Variants in ZNF804B observed in about 807,000 individuals in gnomAD.
ZNF804B encodes the protein zinc finger 804B.
ZNF804B carries 80 observed loss-of-function variants against 101.4 expected under a neutral mutation model. The observed-to-expected ratio is 0.79, with a 90% CI of 0.66 to 0.95. The LOEUF is 0.95. ZNF804B is among the 40% of genes least tolerant of loss of function. The pLI, the probability that ZNF804B is intolerant of heterozygous loss-of-function variation, is 0.00. For synonymous variants in ZNF804B, 622 were observed against 558.8 expected (o/e 1.11, Z -1.59); for missense variants, 1,673 against 1,561.9 (o/e 1.07, Z -1.20).
chr7:89,282,532 A>G lies in ZNF804B; in HGVS notation c.250-44812A>G, dbSNP rs536082626. Among the ~76,000 whole-genome samples, 206 of 152,332 alleles carry G rather than the reference A, an allele frequency of 1.4e-3. 1 individual carries two copies. The highest frequency in any genetic ancestry group is 4.6e-3 in the African/African-American group (191 of 41,578). On this transcript the variant is annotated intron_variant, in intron 2 of 3. Transcript: ENST00000333190. ...AGTAAGAAATCAAATAATAAATGTG[A>G]TGGGCTGAATAATACCCCCTCTCCT...
intron 1 of ZNF804B, among the ~76,000 whole-genome samples, chr7:88,834,764 A>C (rs1400285927): frequency 1.3e-5 from 2 of 151,620 alleles, no homozygotes; most frequent in Non-Finnish European, 3.0e-5. Context: ...TTGCCAAACT[A>C]TTTTTCGCCA....
chr7:88,772,433 C>T (rs1790083569), intron 1 of ZNF804B, among the ~76,000 whole-genome samples: 1 of 152,042 alleles, frequency 6.6e-6, no homozygotes, highest in Admixed American at 6.6e-5. Flanking sequence ...ACCGGTCTTC[C>T]ACAGGGAATA....
rs146334376 is a variant in ZNF804B, at chr7:89,298,834, G to T, written c.250-28510G>T. Among the ~76,000 whole-genome samples the T allele has an allele frequency of 3.1e-3, 467 of 151,810 alleles. 2 individuals are homozygous for T. Among genetic ancestry groups the T allele is most frequent in the African/African-American group, 0.011 (439 of 41,442 alleles). On this transcript the variant is annotated intron_variant, in intron 2 of 3. Transcript: ENST00000333190. Reference sequence around the variant, plus strand: ...TGGCAAAACCTTTTTCAAAGTGGTTGATCCATATTACATCCCTACCAGCTA... The same window carrying T: ...TGGCAAAACCTTTTTCAAAGTGGTTTATCCATATTACATCCCTACCAGCTA...
intron 1 of ZNF804B, among the ~76,000 whole-genome samples, chr7:88,836,212 A>T (rs1317614179): frequency 1.3e-5 from 2 of 151,974 alleles, no homozygotes; most frequent in Non-Finnish European, 1.5e-5. Flanking sequence ...GTTGGGGCAG[A>T]CTTGAACCTT....
At chr7:88,845,620 CTG>C (rs1241518124) in intron 1 of ZNF804B, among the ~76,000 whole-genome samples, 1 of 150,342 alleles carries the variant, frequency 6.7e-6, no homozygotes, top group Non-Finnish European at 1.5e-5. Flanking sequence ...CCTTGTTTTT[CTG>C]CCAAGAAAAA....
At chr7:88,826,613 A>T (rs1318421222) in intron 1 of ZNF804B, among the ~76,000 whole-genome samples, 2 of 152,014 alleles carry the variant, frequency 1.3e-5, no homozygotes, top group African/African-American at 2.4e-5. Context: ...ACAGAATATT[A>T]TTGGGGTTGG....
At chr7:88,829,280 A>G (rs1791096679) in intron 1 of ZNF804B, among the ~76,000 whole-genome samples, 1 of 152,030 alleles carries the variant, frequency 6.6e-6, no homozygotes. Flanking sequence ...TAAATGATCT[A>G]TTATGTCATT....
At chr7:89,328,857 AC>A (rs1790933600) in intron 3 of ZNF804B, among the ~76,000 whole-genome samples, 1 of 151,842 alleles carries the variant, frequency 6.6e-6, no homozygotes, top group South Asian at 2.1e-4. Context: ...GAAAGTTGTC[AC>A]ACTTCTACAT....
intron 1 of ZNF804B, among the ~76,000 whole-genome samples, chr7:88,926,466 A>G (rs987479658): frequency 1.3e-5 from 2 of 150,174 alleles, no homozygotes; most frequent in Admixed American, 6.6e-5. Flanking sequence ...GTAGTGGTGC[A>G]TGCCTGTAGT....
chr7:89,063,525 G>A (rs867236033), intron 1 of ZNF804B, among the ~76,000 whole-genome samples: 2 of 152,124 alleles, frequency 1.3e-5, no homozygotes, highest in African/African-American at 4.8e-5. Flanking sequence ...ATGCCATTCA[G>A]TTAATTATTA....
intron 2 of ZNF804B, among the ~76,000 whole-genome samples, chr7:89,254,123 C>A (rs563118421): frequency 6.6e-6 from 1 of 152,190 alleles, no homozygotes; most frequent in South Asian, 2.1e-4. Flanking sequence ...TTCTATTTAA[C>A]ATTGCATTGA....
chr7:88,787,781 A>AC (rs1790324781), intron 1 of ZNF804B, among the ~76,000 whole-genome samples: 1 of 152,160 alleles, frequency 6.6e-6, no homozygotes, highest in African/African-American at 2.4e-5. Context: ...GCAATTTGAC[A>AC]CCAGAGTGGC....
At chr7:88,828,000 T>A (rs1791073288) in intron 1 of ZNF804B, among the ~76,000 whole-genome samples, 1 of 152,122 alleles carries the variant, frequency 6.6e-6, no homozygotes, top group Admixed American at 6.6e-5. Context: ...CAAGCTCTTT[T>A]TTCTTTTTGT....
intron 1 of ZNF804B, among the ~76,000 whole-genome samples, chr7:89,195,119 G>T (rs1279273470): frequency 2.2e-4 from 33 of 150,978 alleles, no homozygotes; most frequent in Non-Finnish European, 4.9e-4. Context: ...TGCAGAAAAG[G>T]CCTTTGACAA....
At chr7:89,252,219 A>C (rs1441173725) in intron 2 of ZNF804B, among the ~76,000 whole-genome samples, 1 of 152,138 alleles carries the variant, frequency 6.6e-6, no homozygotes, top group African/African-American at 2.4e-5. Flanking sequence ...AACATAAACA[A>C]ATAACCCCCT....
intron 1 of ZNF804B, among the ~76,000 whole-genome samples, chr7:88,899,247 G>A (rs1161870398): frequency 6.6e-6 from 1 of 152,032 alleles, no homozygotes; most frequent in African/African-American, 2.4e-5. Flanking sequence ...TGCACACCAA[G>A]AGATATTCAA....
intron 1 of ZNF804B, among the ~76,000 whole-genome samples, chr7:89,161,301 A>G (rs1034182180): frequency 2.0e-5 from 3 of 151,904 alleles, no homozygotes; most frequent in South Asian, 2.1e-4. Context: ...GAACTTATAT[A>G]TACTAGATTT....
chr7:88,961,427 A>G (rs1273043084), intron 1 of ZNF804B, among the ~76,000 whole-genome samples: 1 of 151,394 alleles, frequency 6.6e-6, no homozygotes, highest in Non-Finnish European at 1.5e-5. Flanking sequence ...ATGAAGATTG[A>G]TTGCTGTCCT....
At chr7:88,792,085 AGCTAGCATTCAAGTGAGCAAG>A (rs1307474520) in intron 1 of ZNF804B, among the ~76,000 whole-genome samples, 5 of 152,216 alleles carry the variant, frequency 3.3e-5, no homozygotes, top group African/African-American at 7.2e-5. Context: ...GAATTCCAGG[AGCTAGCATTCAAGTGAGCAAG>A]GCAAAGTGCA....
Sources: gnomAD v4.1 joint callset for allele counts (sites outside exome capture counted in the v4.1 genomes callset) on GRCh38, gnomAD v4.1.1 for gene constraint, MANE v1.5 for transcripts, NCBI Gene and HGNC (gene_info 2026-07-23, HGNC 2026-07-21) for gene names.